The following PPEF1 variants were observed in gnomAD, a reference collection of about 807,000 sequenced individuals.
The protein encoded by PPEF1 is protein phosphatase with EF-hand domain 1, also known as serine/threonine-protein phosphatase with EF-hands 1.
Under a neutral mutation model 53.3 loss-of-function variants are expected in PPEF1, and 12 were observed. The observed-to-expected ratio is 0.23, with a 90% confidence interval of 0.14 to 0.36. The LOEUF is 0.36. PPEF1 is among the 10% of genes least tolerant of loss of function. The probability of loss-of-function intolerance (pLI) is 1.00; values close to 1 mark genes in which losing one functional copy is unlikely to be tolerated. For synonymous variants in PPEF1, 165 were observed against 176.7 expected (o/e 0.93, Z 0.52); for missense variants, 334 against 490.4 (o/e 0.68, Z 3.01).
At chrX:18,677,853 C>T (rs962399287) in intron 1 of PPEF1, among the ~76,000 whole-genome samples, 2 of 111,409 alleles carry the variant, frequency 1.8e-5, no homozygotes, top group East Asian at 2.8e-4. Flanking sequence ...CATCCTCCCC[C>T]ACCACCCAGT....
At chrX:18,793,691 T>G in intron 10 of PPEF1, among the ~76,000 whole-genome samples, 1 of 46,953 alleles carries the variant, frequency 2.1e-5, no homozygotes, top group African/African-American at 7.9e-5. Context: ...CCCCCTCCGC[T>G]CCCCCCACCC....
chrX:18,776,318 C>T (rs1262746081), intron 6 of PPEF1, among the ~76,000 whole-genome samples: 2 of 111,190 alleles, frequency 1.8e-5, no homozygotes, highest in Admixed American at 9.6e-5. Flanking sequence ...CACTGAGCCT[C>T]GACCTCCCAG....
chrX:18,746,735 T>C (rs191347578), intron 3 of PPEF1, among the ~76,000 whole-genome samples: 133 of 111,542 alleles, frequency 1.2e-3, no homozygotes, highest in African/African-American at 4.2e-3. Context: ...GTTATAAGTA[T>C]ATAAATAATA....
intron 3 of PPEF1, among the ~76,000 whole-genome samples, chrX:18,747,234 C>A (rs1207771332): frequency 2.7e-5 from 3 of 110,994 alleles, no homozygotes; most frequent in Admixed American, 1.9e-4. Context: ...GGAGGAGTGT[C>A]TAACTATGTT....
At chrX:18,701,641 G>A (rs1189415674) in intron 6 of PPEF1, among the ~76,000 whole-genome samples, 5 of 112,007 alleles carry the variant, frequency 4.5e-5, no homozygotes, top group Non-Finnish European at 9.4e-5. Context: ...CTTCAAAAGG[G>A]CCCCTTGCTA....
intron 12 of PPEF1, among the ~76,000 whole-genome samples, chrX:18,813,292 TG>T (rs1404962236): frequency 9.8e-6 from 1 of 101,686 alleles, no homozygotes; most frequent in African/African-American, 3.7e-5. Flanking sequence ...GGCAGAAGAA[TG>T]GCTTGAACCC....
At chrX:18,783,866 A>C (rs770112724) in intron 8 of PPEF1, 33 bp from the exon 9 acceptor site, 1 of 1,191,855 alleles carries the variant, frequency 8.4e-7, no homozygotes, top group Admixed American at 2.3e-5. Context: ...AACCTGTCAG[A>C]AAAACAAAAC....
chrX:18,728,203 C>CTA (rs1196740044), intron 1 of PPEF1, among the ~76,000 whole-genome samples: 101 of 108,208 alleles, frequency 9.3e-4, no homozygotes, highest in African/African-American at 3.1e-3. Flanking sequence ...CTCTCTCTCT[C>CTA]TATATATATA....
At chrX:18,822,061 C>G (rs2047072390) in intron 13 of PPEF1, among the ~76,000 whole-genome samples, 1 of 111,078 alleles carries the variant, frequency 9.0e-6, no homozygotes, top group Admixed American at 9.7e-5. Flanking sequence ...CAGCAAGACT[C>G]TCTTTGGGCT....
At chrX:18,785,992 T>C (rs2046190188) in intron 9 of PPEF1, among the ~76,000 whole-genome samples, 1 of 112,093 alleles carries the variant, frequency 8.9e-6, no homozygotes, top group Admixed American at 9.5e-5. Context: ...GATCAAGATA[T>C]AATAGTCATT....
chrX:18,730,153 T>C, intron 1 of PPEF1, 28 bp from the exon 2 acceptor site: 1 of 1,187,581 alleles, frequency 8.4e-7, no homozygotes, highest in Non-Finnish European at 1.1e-6. Flanking sequence ...CTGTTTTTCT[T>C]TGACTTTCAT....
In PPEF1 at chrX:18,721,355, T is replaced by A. The variant is rs1206289201; in HGVS notation, c.47-8826T>A. On this transcript the variant is annotated intron_variant, in intron 1 of 15. Transcript: ENST00000470157. ...TACAGGGATGATTCCGATTGATTGA[T>A]TTATTTTCAAATAGCCTTTAGAATT... Among the ~76,000 whole-genome samples the A allele has an allele frequency of 3.6e-5, 4 of 112,383 alleles. No individual in the cohort carries two copies. In the East Asian group the frequency reaches 8.4e-4, roughly 24 times the overall value.
intron 10 of PPEF1, among the ~76,000 whole-genome samples, chrX:18,801,853 G>A (rs1328699644): frequency 4.6e-5 from 5 of 108,196 alleles, no homozygotes; most frequent in South Asian, 4.1e-4. Context: ...GTGTTGTGGC[G>A]GGCCCTTGTA....
chrX:18,818,450 G>C (rs2046964550), intron 13 of PPEF1, among the ~76,000 whole-genome samples: 1 of 103,247 alleles, frequency 9.7e-6, no homozygotes, highest in South Asian at 4.6e-4. Context: ...AGCTCACTAT[G>C]ACCTCCACCT....
chrX:18,762,565 TAGAC>T (rs1220778509), intron 6 of PPEF1, among the ~76,000 whole-genome samples: 1 of 111,377 alleles, frequency 9.0e-6, no homozygotes, highest in Non-Finnish European at 1.9e-5. Flanking sequence ...GGCTACTCCA[TAGAC>T]AGAGCATCCC....
upstream of PPEF1, among the ~76,000 whole-genome samples, chrX:18,705,025 C>G (rs2044166967): frequency 9.0e-6 from 1 of 111,553 alleles, no homozygotes; most frequent in South Asian, 3.8e-4. Context: ...CTTTAAACTT[C>G]TATGATTTTG....
intron 15 of PPEF1, 118 bp from the exon 16 acceptor site, chrX:18,827,158 T>A: frequency 1.8e-6 from 1 of 545,071 alleles, no homozygotes; most frequent in East Asian, 3.3e-5. Context: ...AGTATCTTCA[T>A]GATTAGGCAG....
intron 3 of PPEF1, among the ~76,000 whole-genome samples, chrX:18,741,205 GC>G (rs1569253414): frequency 9.0e-6 from 1 of 111,640 alleles, no homozygotes; most frequent in Non-Finnish European, 1.9e-5. Context: ...AGTTGTTTAT[GC>G]TTCATATTCC....
chrX:18,798,859 T>C (rs911953464), intron 10 of PPEF1, among the ~76,000 whole-genome samples: 2 of 111,069 alleles, frequency 1.8e-5, no homozygotes, highest in Admixed American at 9.5e-5. Flanking sequence ...CCTGACCTCG[T>C]TCATGATCCA....
Sources: allele counts gnomAD v4.1 joint callset (sites outside exome capture counted in the v4.1 genomes callset), GRCh38; gene constraint gnomAD v4.1.1; transcripts MANE v1.5; gene names NCBI Gene and HGNC (gene_info 2026-07-23, HGNC 2026-07-21).